Variants in DIP2B observed in about 807,000 individuals in gnomAD.
DIP2B encodes DIP2 acetate--CoA ligase B (putative).
A neutral mutation model predicts 198.0 loss-of-function variants in DIP2B; 76 were observed. The observed-to-expected ratio is 0.38, with a 90% confidence interval of 0.32 to 0.46. The LOEUF is 0.46. Ranked by LOEUF, DIP2B falls within the 20% of genes least tolerant of loss-of-function variation. The probability of loss-of-function intolerance (pLI) is 0.99; values close to 1 mark genes in which losing one functional copy is unlikely to be tolerated. For synonymous variants in DIP2B, 701 were observed against 739.1 expected (o/e 0.95, Z 0.84); for missense variants, 1,559 against 1,978.4 (o/e 0.79, Z 4.02).
chr12:50,579,934 T>C (rs201728970), intron 1 of DIP2B, among the ~76,000 whole-genome samples: 1 of 133,760 alleles, frequency 7.5e-6, no homozygotes. Context: ...GATCTCCACT[T>C]CTGACTGGCA....
intron 32 of DIP2B, 116 bp downstream of exon 32, chr12:50,732,652 T>C (rs1940064812): frequency 1.5e-6 from 2 of 1,318,188 alleles, no homozygotes; most frequent in East Asian, 4.7e-5. Flanking sequence ...CTTACTTGCT[T>C]TGGAACTTCG....
intron 4 of DIP2B, among the ~76,000 whole-genome samples, chr12:50,667,521 A>T (rs1938776265): frequency 6.6e-6 from 1 of 152,200 alleles, no homozygotes; most frequent in African/African-American, 2.4e-5. Context: ...TTTGATTTTT[A>T]AAAAGATACA....
At chr12:50,648,113 C>CA (rs1431383804) in intron 3 of DIP2B, among the ~76,000 whole-genome samples, 2 of 151,798 alleles carry the variant, frequency 1.3e-5, no homozygotes, top group African/African-American at 4.8e-5. Context: ...CACTCCGTCT[C>CA]AAAAAAACAA....
intron 2 of DIP2B, among the ~76,000 whole-genome samples, chr12:50,628,651 A>T (rs943980929): frequency 3.9e-5 from 6 of 152,140 alleles, no homozygotes; most frequent in Middle Eastern, 3.2e-3. Flanking sequence ...TCTATTTAAA[A>T]AAGAATCCTC....
At position 50,538,065 on chromosome 12, in the gene DIP2B, C is replaced by T. The variant is rs143042640; in HGVS notation, c.100+32825C>T. Among the ~76,000 whole-genome samples the T allele has an allele frequency of 3.2e-3, 489 of 152,048 alleles. 2 individuals carry two copies. Among genetic ancestry groups the T allele is most frequent in the African/African-American group, 0.011 (469 of 41,450 alleles). On this transcript the variant is annotated intron_variant, in intron 1 of 37. Transcript: ENST00000301180. ...TTTACTATTACTTCTTAATAGATAC[C>T]GAGGAGTCTTCATAGGGCTAAGGGA...
chr12:50,695,101 A>G (rs1198352692), intron 14 of DIP2B, among the ~76,000 whole-genome samples, 166 bp from the exon 15 acceptor site: 4 of 152,186 alleles, frequency 2.6e-5, no homozygotes, highest in African/African-American at 4.8e-5. Flanking sequence ...GAGGGTAGGT[A>G]TTAAAGGAAC....
chr12:50,670,914 C>T (rs1396342864), intron 4 of DIP2B, among the ~76,000 whole-genome samples: 2 of 151,964 alleles, frequency 1.3e-5, no homozygotes, highest in Non-Finnish European at 2.9e-5. Flanking sequence ...ATTAAGCTTA[C>T]AACAGAAAAG....
chr12:50,675,807 C>G (rs529025311), intron 7 of DIP2B, among the ~76,000 whole-genome samples: 1 of 152,324 alleles, frequency 6.6e-6, no homozygotes, highest in Non-Finnish European at 1.5e-5. Context: ...AGTTTGCCTA[C>G]TCTGTTTTCA....
intron 1 of DIP2B, among the ~76,000 whole-genome samples, chr12:50,591,369 T>TA (rs1242480016): frequency 2.6e-5 from 4 of 152,078 alleles, no homozygotes; most frequent in Non-Finnish European, 2.9e-5. Context: ...TTTTTTTTTT[T>TA]AAATCCTAAT....
chr12:50,733,809 G>A (rs1011259125), intron 32 of DIP2B, among the ~76,000 whole-genome samples: 17 of 152,254 alleles, frequency 1.1e-4, no homozygotes, highest in Non-Finnish European at 2.2e-4. Flanking sequence ...TCTTCTTTCA[G>A]AAGGGTCTTG....
At chr12:50,576,027 G>A (rs2139412934) in intron 1 of DIP2B, among the ~76,000 whole-genome samples, 1 of 151,558 alleles carries the variant, frequency 6.6e-6, no homozygotes, top group Non-Finnish European at 1.5e-5. Flanking sequence ...CAAAGAGCTG[G>A]AATTACAAGT....
At chr12:50,648,892 A>C (rs1938402435) in intron 3 of DIP2B, among the ~76,000 whole-genome samples, 1 of 152,208 alleles carries the variant, frequency 6.6e-6, no homozygotes, top group Admixed American at 6.5e-5. Context: ...TCAATGACAG[A>C]ATTAACTTAA....
At position 50,505,022 on chromosome 12, in the gene DIP2B, CGGT is replaced by C. The variant is rs1555179952; in HGVS notation, c.-117_-115del. On this transcript the variant is annotated 5_prime_UTR_variant, in exon 1 of 38. Coordinates refer to ENST00000301180, the MANE Select transcript of DIP2B (RefSeq NM_173602.3). ...CTCATGGCGGCGGCGGCGGCGGCGGCGGTGCTGGTGGTGCTCGGCGGCCGGAGC... is the reference window on the plus strand; with the variant it reads ...CTCATGGCGGCGGCGGCGGCGGCGGCGCTGGTGGTGCTCGGCGGCCGGAGC... 4 of 1,001,182 alleles carry C rather than the reference CGGT, an allele frequency of 4.0e-6. No homozygotes were observed. The highest frequency in any genetic ancestry group is 5.8e-6 in the Non-Finnish European group (4 of 691,984). 62.0% of individuals were successfully genotyped at this position (1,001,182 alleles called of 1,614,324 possible).
intron 3 of DIP2B, among the ~76,000 whole-genome samples, chr12:50,644,317 A>C (rs2139491337): frequency 6.6e-6 from 1 of 152,362 alleles, no homozygotes. Flanking sequence ...TGAGATGGAA[A>C]GTGATCTTAT....
In DIP2B at chr12:50,740,840, C is replaced by T. The variant is rs1033324750; in HGVS notation, c.4355-576C>T. Among the ~76,000 whole-genome samples the T allele has an allele frequency of 2.0e-5, 3 of 152,212 alleles. No homozygotes were observed. The East Asian group carries it at 5.8e-4, about 29-fold the overall frequency. On this transcript the variant is annotated intron_variant, in intron 36 of 37. Coordinates refer to ENST00000301180, the MANE Select transcript of DIP2B (RefSeq NM_173602.3). Reference sequence around the variant, plus strand: ...ACACTTGTTCATCTCCTCTCCCTCTCAAGTCCTGTCTTTCCTCTGTCCCTC... The same window carrying T: ...ACACTTGTTCATCTCCTCTCCCTCTTAAGTCCTGTCTTTCCTCTGTCCCTC...
chr12:50,651,656 C>T (rs190985985), intron 3 of DIP2B, among the ~76,000 whole-genome samples: 28 of 138,146 alleles, frequency 2.0e-4, no homozygotes, highest in Admixed American at 1.9e-3. Context: ...GGTATATTTC[C>T]GGGCTCTCTA....
chr12:50,731,357 C>CT lies in DIP2B; in HGVS notation c.3642-9dup. 1 of 1,610,728 alleles carries CT rather than the reference C, an allele frequency of 6.2e-7. No individual in the cohort carries two copies. The highest frequency in any genetic ancestry group is 8.5e-7 in the Non-Finnish European group (1 of 1,178,338). Reference sequence around the variant, plus strand: ...GAATTGATGATTCCAGCTCTTGTCTCTTTCACTGCAGTGTCTATTCAGGCC... The same window carrying CT: ...GAATTGATGATTCCAGCTCTTGTCTCTTTTCACTGCAGTGTCTATTCAGGCC... On this transcript the variant is annotated splice_polypyrimidine_tract_variant and intron_variant, in intron 30 of 37. Coordinates refer to ENST00000301180, the MANE Select transcript of DIP2B (RefSeq NM_173602.3).
At chr12:50,566,841 G>A (rs1262382365) in intron 1 of DIP2B, among the ~76,000 whole-genome samples, 1 of 151,862 alleles carries the variant, frequency 6.6e-6, no homozygotes, top group African/African-American at 2.4e-5. Context: ...GCGTGGTGGC[G>A]GGCGCCTGTA....
rs554295426 is a variant in DIP2B, at chr12:50,572,681, A to G, written c.101-53295A>G. On this transcript the variant is annotated intron_variant, in intron 1 of 37. Coordinates refer to ENST00000301180, the MANE Select transcript of DIP2B (RefSeq NM_173602.3). The stretch of plus-strand genomic sequence containing the variant: ...CCCAGATAATGAAAATTAGAGCTCT[A>G]ATTTATCAATTCTGTAAGCTGAAAA... Among the ~76,000 whole-genome samples the G allele has an allele frequency of 2.6e-5, 4 of 152,306 alleles. No homozygotes were observed. In the South Asian group the frequency reaches 6.2e-4, roughly 24 times the overall value.
Sources: gnomAD v4.1 joint callset for allele counts (sites outside exome capture counted in the v4.1 genomes callset) on GRCh38, gnomAD v4.1.1 for gene constraint, MANE v1.5 for transcripts, NCBI Gene and HGNC (gene_info 2026-07-23, HGNC 2026-07-21) for gene names.